HSPA4: variants seen among roughly 807,000 people sequenced by gnomAD.
The protein encoded by HSPA4 is heat shock 70 kDa protein 4.
Under a neutral mutation model 106.2 loss-of-function variants are expected in HSPA4, and 25 were observed. The ratio of observed to expected loss-of-function variants is 0.24; its 90% CI spans 0.17 to 0.33. HSPA4 has a LOEUF of 0.33. HSPA4 is among the 10% of genes least tolerant of loss of function. The pLI, the probability that HSPA4 is intolerant of heterozygous loss-of-function variation, is 1.00. For synonymous variants in HSPA4, 332 were observed against 333.6 expected (o/e 1.00, Z 0.05); for missense variants, 841 against 996.0 (o/e 0.84, Z 2.10).
chr5:133,053,508 T>A (rs1765111179), intron 1 of HSPA4, among the ~76,000 whole-genome samples: 1 of 151,622 alleles, frequency 6.6e-6, no homozygotes, highest in Non-Finnish European at 1.5e-5. Context: ...GCCACCATGC[T>A]TGGCTAATTT....
At position 133,070,506 on chromosome 5, in the gene HSPA4, A is replaced by T; in HGVS notation, c.429+10A>T. On this transcript the variant is annotated intron_variant, in intron 4 of 18. Transcript: ENST00000304858. Reference sequence around the variant, plus strand: ...TGACTGTGTTGTTTCGGTGAGTTTGATCCCTATACATTATTGGGAATTTGC... The same window carrying T: ...TGACTGTGTTGTTTCGGTGAGTTTGTTCCCTATACATTATTGGGAATTTGC... The T allele has an allele frequency of 6.2e-7, 1 of 1,613,212 alleles. No individual in the cohort carries two copies. Among genetic ancestry groups the T allele is most frequent in the Non-Finnish European group, 8.5e-7 (1 of 1,179,510 alleles).
chr5:133,068,815 A>G (rs1485445040), intron 3 of HSPA4, among the ~76,000 whole-genome samples: 2 of 152,244 alleles, frequency 1.3e-5, no homozygotes, highest in Non-Finnish European at 2.9e-5. Flanking sequence ...AAGCATTGCA[A>G]GAAGCAAAGG....
chr5:133,068,039 C>T (rs550677130), intron 3 of HSPA4, among the ~76,000 whole-genome samples: 8 of 151,872 alleles, frequency 5.3e-5, no homozygotes, highest in Middle Eastern at 3.4e-3. Context: ...ATTACAGGCA[C>T]GTGCCACCAT....
rs142877937 is a variant in HSPA4 at position 133,087,575 on chromosome 5, C to G, written c.985+717C>G. 2.7e-3 allele frequency among the ~76,000 whole-genome samples: 416 copies of G among 152,302 alleles called. 4 individuals are homozygous for G. The highest frequency in any genetic ancestry group is 9.5e-3 in the African/African-American group (395 of 41,560). On this transcript the variant is annotated intron_variant, in intron 8 of 18. Coordinates refer to ENST00000304858, the MANE Select transcript of HSPA4 (RefSeq NM_002154.4). ...ATGAGCAATAGCAGATCCTTTGATA[C>G]ACACCTTCTTTCTGATACGAAGAAA...
intron 15 of HSPA4, 81 bp downstream of exon 15, chr5:133,097,367 A>T: frequency 8.0e-7 from 1 of 1,248,944 alleles, no homozygotes; most frequent in Non-Finnish European, 1.1e-6. Flanking sequence ...GTGTGCAGCT[A>T]TATGTGTATA....
Position 133,092,717 on chromosome 5 carries a change from G to T in HSPA4, c.1578G>T (p.Gln526His), listed in dbSNP as rs766639994. 2.5e-6 allele frequency: 4 copies of T among 1,610,932 alleles called. No homozygotes were observed. In the Admixed American group the frequency reaches 6.7e-5, roughly 27 times the overall value. ...TTTTTCAGAAGATGCAAGTGGACCA[G>T]GAGGAACCACATGTTGAAGAGCAAC... is the stretch of plus-strand genomic sequence containing the variant. Reference protein sequence around the residue: ...AKEEEKMQVDQEEPHVEEQQQ... With the variant: ...AKEEEKMQVDHEEPHVEEQQQ... The change falls in exon 13 of 19, where the codon CAG (glutamine) becomes CAT (histidine). Residue 526 changes from glutamine (Q) to histidine (H), a missense_variant. By Grantham distance (24) the Gln-to-His change is conservative. Transcript: ENST00000304858.
intron 1 of HSPA4, among the ~76,000 whole-genome samples, chr5:133,063,897 G>A (rs1765275981): frequency 6.6e-6 from 1 of 151,862 alleles, no homozygotes; most frequent in African/African-American, 2.4e-5. Flanking sequence ...GAGTAGGTGG[G>A]ATTACAGGCA....
chr5:133,072,565 T>TA (rs199524664), intron 4 of HSPA4, among the ~76,000 whole-genome samples: 1,955 of 150,356 alleles, frequency 0.013, 40 homozygotes, highest in African/African-American at 0.046. Context: ...GTGGTTTATT[T>TA]TTTTTTTTTT....
chr5:133,067,839 T>G lies in HSPA4; in HGVS notation c.306+282T>G, dbSNP rs147134770. On this transcript the variant is annotated intron_variant, in intron 3 of 18. Transcript: ENST00000304858. ...GTTTTGCTCACTGATGCAGTGGGCT[T>G]TTTAGCATGATTTTAGGGAATGACT... 9.3e-4 allele frequency among the ~76,000 whole-genome samples: 142 copies of G among 152,182 alleles called. No individual in the cohort carries two copies. The Middle Eastern group carries it at 0.01, about 11-fold the overall frequency.
intron 16 of HSPA4, among the ~76,000 whole-genome samples, chr5:133,101,268 C>T (rs1163242384): frequency 2.0e-5 from 3 of 152,114 alleles, no homozygotes; most frequent in African/African-American, 7.2e-5. Flanking sequence ...CATGTCGCCC[C>T]ACCCTTTCCT....
At chr5:133,098,755 C>T (rs1484043367) in intron 15 of HSPA4, among the ~76,000 whole-genome samples, 1 of 152,242 alleles carries the variant, frequency 6.6e-6, no homozygotes, top group East Asian at 1.9e-4. Flanking sequence ...TCACTGCAAC[C>T]TCCACCTCCC....
chr5:133,059,490 A>G (rs1254541051), intron 1 of HSPA4, among the ~76,000 whole-genome samples: 1 of 150,754 alleles, frequency 6.6e-6, no homozygotes, highest in Non-Finnish European at 1.5e-5. Flanking sequence ...GTACACACCT[A>G]TAGTCCCAGC....
intron 1 of HSPA4, among the ~76,000 whole-genome samples, chr5:133,063,428 CTT>C (rs1184803339): frequency 6.6e-6 from 1 of 151,592 alleles, no homozygotes; most frequent in African/African-American, 2.4e-5. Context: ...CAAATTTACT[CTT>C]TTTTTTGTTT....
At chr5:133,054,451 G>A (rs1209467267) in intron 1 of HSPA4, among the ~76,000 whole-genome samples, 1 of 152,116 alleles carries the variant, frequency 6.6e-6, no homozygotes, top group African/African-American at 2.4e-5. Flanking sequence ...TGATCTGCCT[G>A]CCTCGGCTTT....
At chr5:133,061,123 T>TAA (rs1258745004) in intron 1 of HSPA4, among the ~76,000 whole-genome samples, 7 of 150,886 alleles carry the variant, frequency 4.6e-5, no homozygotes, top group Admixed American at 4.6e-4. Context: ...GTGTTTTCTT[T>TAA]TCTTTTTTTT....
chr5:133,102,202 A>AT (rs1765794419), intron 17 of HSPA4, among the ~76,000 whole-genome samples: 1 of 152,190 alleles, frequency 6.6e-6, no homozygotes. Flanking sequence ...GCTGGCTGGT[A>AT]TTACAGGCGT....
intron 13 of HSPA4, among the ~76,000 whole-genome samples, chr5:133,093,510 A>G (rs1312826818): frequency 6.6e-6 from 1 of 152,012 alleles, no homozygotes; most frequent in African/African-American, 2.4e-5. Flanking sequence ...TATTTTTTTG[A>G]GATGGACTCT....
At chr5:133,052,681 C>G (rs905933336) in intron 1 of HSPA4, 5 of 288,574 alleles carry the variant, frequency 1.7e-5, no homozygotes, top group East Asian at 6.4e-5. Flanking sequence ...GATCGCGGTC[C>G]TTTTCTTGAG....
intron 8 of HSPA4, among the ~76,000 whole-genome samples, chr5:133,088,016 A>G (rs185927984): frequency 2.6e-5 from 4 of 152,068 alleles, no homozygotes; most frequent in Admixed American, 2.6e-4. Context: ...CTTTAATGTC[A>G]GGTCAGAATA....
Sources: gnomAD v4.1 joint callset for allele counts (sites outside exome capture counted in the v4.1 genomes callset) on GRCh38, gnomAD v4.1.1 for gene constraint, MANE v1.5 for transcripts, NCBI Gene and HGNC (gene_info 2026-07-23, HGNC 2026-07-21) for gene names.